PXDNL: variants seen among roughly 807,000 people sequenced by gnomAD.
PXDNL encodes the protein peroxidasin like.
Under a neutral mutation model 150.8 loss-of-function variants are expected in PXDNL, and 145 were observed. That is an observed-to-expected ratio of 0.96 (90% CI 0.84 to 1.10). PXDNL has a LOEUF of 1.10. Among genes scored for constraint, PXDNL ranks in the 50% least tolerant of loss-of-function variants. PXDNL has a pLI of 0.00. For missense variants in PXDNL, 2,087 were observed against 1,873.9 expected (o/e 1.11, Z -2.10); for synonymous variants, 757 against 725.7 (o/e 1.04, Z -0.69).
intron 20 of PXDNL, among the ~76,000 whole-genome samples, chr8:51,340,484 A>G (rs1008105106): frequency 1.3e-5 from 2 of 152,194 alleles, no homozygotes; most frequent in African/African-American, 4.8e-5. Context: ...CGTTTTTCCA[A>G]ATTTTGTAAA....
chr8:51,463,033 A>C (rs1453491910), intron 8 of PXDNL, among the ~76,000 whole-genome samples: 1 of 152,198 alleles, frequency 6.6e-6, no homozygotes, highest in Non-Finnish European at 1.5e-5. Flanking sequence ...GCCAAACTAA[A>C]CTTTATAAGT....
chr8:51,319,828 G>A lies in PXDNL; in HGVS notation c.*63C>T. ...AATGTGACTACAAGTTAAAAGTTCTGAAGTCCTAAATGTCTCTTCCTGAGA... is the reference window on the plus strand; with the variant it reads ...AATGTGACTACAAGTTAAAAGTTCTAAAGTCCTAAATGTCTCTTCCTGAGA... On this transcript the variant is annotated 3_prime_UTR_variant, in exon 23 of 23. Transcript: ENST00000356297. 5 of 1,375,780 alleles carry A rather than the reference G, an allele frequency of 3.6e-6. No individual in the cohort carries two copies. Among genetic ancestry groups the A allele is most frequent in the Non-Finnish European group, 4.8e-6 (5 of 1,052,600 alleles). 85.2% of individuals were successfully genotyped at this position (1,375,780 alleles called of 1,614,324 possible). A position where few individuals can be genotyped will look rare whatever the true frequency, so the allele number is the denominator to read the frequency against.
intron 1 of PXDNL, among the ~76,000 whole-genome samples, chr8:51,790,629 C>T (rs141173513): frequency 1.3e-5 from 2 of 152,104 alleles, no homozygotes; most frequent in Non-Finnish European, 2.9e-5. Flanking sequence ...GGGCCCATGC[C>T]GGAGTCGCAG....
At chr8:51,624,183 A>C (rs1167599479) in intron 2 of PXDNL, among the ~76,000 whole-genome samples, 1 of 152,002 alleles carries the variant, frequency 6.6e-6, no homozygotes. Flanking sequence ...CCCGGAGCAT[A>C]AAGTCAGCCA....
At chr8:51,585,971 C>T (rs900809478) in intron 3 of PXDNL, among the ~76,000 whole-genome samples, 3 of 152,010 alleles carry the variant, frequency 2.0e-5, no homozygotes, top group Admixed American at 6.6e-5. Flanking sequence ...GCAACCTGTA[C>T]CTCAACCCCT....
intron 1 of PXDNL, among the ~76,000 whole-genome samples, chr8:51,755,970 T>C (rs781355872): frequency 6.6e-6 from 1 of 152,214 alleles, no homozygotes; most frequent in Non-Finnish European, 1.5e-5. Context: ...TTGCTTTCAA[T>C]GGAATTAGAA....
At chr8:51,386,429 G>A (rs1807714067) in intron 17 of PXDNL, among the ~76,000 whole-genome samples, 1 of 152,086 alleles carries the variant, frequency 6.6e-6, no homozygotes, top group Non-Finnish European at 1.5e-5. Flanking sequence ...ACACCCCTAT[G>A]TCATGATACT....
At chr8:51,331,679 A>G (rs1486473332) in intron 21 of PXDNL, among the ~76,000 whole-genome samples, 2 of 152,054 alleles carry the variant, frequency 1.3e-5, no homozygotes, top group East Asian at 1.9e-4. Context: ...TTCGGTTTGC[A>G]TGGGAGCTGG....
chr8:51,763,273 A>G (rs896703464), intron 1 of PXDNL, among the ~76,000 whole-genome samples: 7 of 152,004 alleles, frequency 4.6e-5, no homozygotes, highest in Non-Finnish European at 8.8e-5. Context: ...ATGTATATAT[A>G]TAAGAAACCT....
In PXDNL at chr8:51,339,701, C is replaced by A; in HGVS notation, c.4069G>T (p.Ala1357Ser). The change falls in exon 21 of 23, where the codon GCA becomes TCA. Residue 1357 changes from alanine (A) to serine (S), a missense_variant. Physicochemically the swap from Ala to Ser is moderately conservative, Grantham distance 99. Transcript: ENST00000356297. ...AAATCTTGGGAGAACTTTGTTTTTGCCAGAACTGTCACATTTCTAGCATCT... is the reference window on the plus strand; with the variant it reads ...AAATCTTGGGAGAACTTTGTTTTTGACAGAACTGTCACATTTCTAGCATCT... Reference protein sequence around the residue: ...GEDARNVTVLAKTKFSQDFST... With the variant: ...GEDARNVTVLSKTKFSQDFST... The A allele has an allele frequency of 6.2e-7, 1 of 1,613,280 alleles. No individual in the cohort carries two copies. The highest frequency in any genetic ancestry group is 8.5e-7 in the Non-Finnish European group (1 of 1,179,508).
chr8:51,352,495 C>T (rs890673829), intron 19 of PXDNL, among the ~76,000 whole-genome samples: 6 of 152,090 alleles, frequency 3.9e-5, no homozygotes, highest in South Asian at 2.1e-4. Flanking sequence ...AGGGTGGTTT[C>T]CCCCATGCTG....
rs1237309287 is a variant in PXDNL, at chr8:51,566,499, C to A, written c.309-9588G>T. ...ATGGGCCTATTTAGATTATCTCTTT[C>A]TTCTTGTGTGGTTTGTTACATTGTG... On this transcript the variant is annotated intron_variant, in intron 3 of 22. Transcript: ENST00000356297. 1.1e-4 allele frequency among the ~76,000 whole-genome samples: 17 copies of A among 151,572 alleles called. 1 individual carries two copies. Among genetic ancestry groups the A allele is most frequent in the Admixed American group, 1.1e-3 (17 of 15,178 alleles).
At chr8:51,620,122 G>GT (rs1194224856) in intron 2 of PXDNL, among the ~76,000 whole-genome samples, 9 of 152,100 alleles carry the variant, frequency 5.9e-5, no homozygotes, top group African/African-American at 2.2e-4. Context: ...TGAAAACCTA[G>GT]TTTTAAAAGA....
chr8:51,623,066 A>G (rs1006875960), intron 2 of PXDNL, among the ~76,000 whole-genome samples: 15 of 152,232 alleles, frequency 9.9e-5, no homozygotes, highest in Non-Finnish European at 4.4e-5. Context: ...AAAGGTTTCC[A>G]TACTTCCTGG....
chr8:51,690,818 C>T (rs1305758430), intron 1 of PXDNL, among the ~76,000 whole-genome samples: 2 of 151,986 alleles, frequency 1.3e-5, no homozygotes, highest in Non-Finnish European at 2.9e-5. Flanking sequence ...TCTCCACATC[C>T]TCTCTAGCAC....
intron 8 of PXDNL, among the ~76,000 whole-genome samples, chr8:51,462,008 C>T (rs901345819): frequency 2.0e-5 from 3 of 152,162 alleles, no homozygotes; most frequent in South Asian, 2.1e-4. Flanking sequence ...CCATGAAACA[C>T]GATGCAAAAA....
intron 17 of PXDNL, among the ~76,000 whole-genome samples, chr8:51,403,303 T>C (rs2977016): frequency 0.56 from 84,993 of 152,002 alleles, 27,667 homozygotes; most frequent in Non-Finnish European, 0.71. Context: ...TATTTGTACA[T>C]GTCACAAATC....
At chr8:51,452,935 A>AACACAT (rs60146365) in intron 10 of PXDNL, among the ~76,000 whole-genome samples, 70 of 142,672 alleles carry the variant, frequency 4.9e-4, no homozygotes, top group Non-Finnish European at 7.8e-4. Flanking sequence ...CACACACACA[A>AACACAT]ACACACACAC....
intron 4 of PXDNL, among the ~76,000 whole-genome samples, chr8:51,553,913 C>A (rs1812547285): frequency 6.6e-6 from 1 of 151,908 alleles, no homozygotes; most frequent in Non-Finnish European, 1.5e-5. Flanking sequence ...GTCCCTTGCC[C>A]TTGTGTTCTA....
Sources: allele counts gnomAD v4.1 joint callset (sites outside exome capture counted in the v4.1 genomes callset), GRCh38; gene constraint gnomAD v4.1.1; transcripts MANE v1.5; gene names NCBI Gene and HGNC (gene_info 2026-07-23, HGNC 2026-07-21).